Variants in SHANK1 observed in about 807,000 individuals in gnomAD.
The protein encoded by SHANK1 is SH3 and multiple ankyrin repeat domains 1, also known as SH3 and multiple ankyrin repeat domains protein 1.
A neutral mutation model predicts 165.6 loss-of-function variants in SHANK1; 35 were observed. The ratio of observed to expected loss-of-function variants is 0.21; its 90% CI spans 0.16 to 0.28. The LOEUF (loss-of-function observed/expected upper bound fraction) is 0.28, where lower values mean the gene tolerates loss of function less well. SHANK1 is among the 10% of genes least tolerant of loss of function. SHANK1 has a pLI of 1.00. For synonymous variants in SHANK1, 1,428 were observed against 1,384.8 expected (o/e 1.03, Z -0.69); for missense variants, 2,681 against 3,036.4 (o/e 0.88, Z 2.75).
chr19:50,677,814 C>A (rs1032773299), intron 21 of SHANK1, among the ~76,000 whole-genome samples: 1 of 152,186 alleles, frequency 6.6e-6, no homozygotes, highest in Non-Finnish European at 1.5e-5. Context: ...CCTGCTTTGA[C>A]GGATTTCCTG....
intron 15 of SHANK1, among the ~76,000 whole-genome samples, chr19:50,695,132 C>A (rs1986692359): frequency 6.8e-6 from 1 of 146,540 alleles, no homozygotes; most frequent in Non-Finnish European, 1.5e-5. Flanking sequence ...CTCGGCCGAA[C>A]CCCCGTGTCC....
In SHANK1 at chr19:50,669,011, G is replaced by A. The variant is rs1183200204; in HGVS notation, c.2949C>T (p.Arg983=). 5.9e-6 allele frequency: 5 copies of A among 840,372 alleles called. No individual in the cohort carries two copies. The South Asian group carries it at 9.0e-5, about 15-fold the overall frequency. 52.1% of individuals were successfully genotyped at this position (840,372 alleles called of 1,614,324 possible). ...GCCCACTGTGGTACAGGCTCTTCTC[G>A]CGGCTCCCCACGCGAGTGTCGGGAG... ...PSPPDTRVGS[R]EKSLYHSGPL... The change falls in exon 23 of 24, where the codon CGC becomes CGT. Residue 983 remains arginine, a synonymous_variant. Coordinates refer to ENST00000293441, the MANE Select transcript of SHANK1 (RefSeq NM_016148.5).
chr19:50,704,214 G>C, intron 9 of SHANK1, 28 bp from the exon 10 acceptor site: 1 of 1,609,034 alleles, frequency 6.2e-7, no homozygotes, highest in Non-Finnish European at 8.5e-7. Flanking sequence ...AGGCAGGTCG[G>C]CCAGGGGGGC....
rs72626241 is a variant in SHANK1 at position 50,690,830 on chromosome 19, A to G, written c.1965-1551T>C. Among the ~76,000 whole-genome samples the G allele has an allele frequency of 2.8e-4, 43 of 152,186 alleles. No individual in the cohort carries two copies. In the East Asian group the frequency reaches 7.5e-3, roughly 27 times the overall value. On this transcript the variant is annotated intron_variant, in intron 15 of 23. Transcript: ENST00000293441. This position sits in a 1 kb window ranked among gnomAD's most constrained non-coding sequence, Gnocchi z 4.9. Reference sequence around the variant, plus strand: ...CACATACATCCCAGCAAATGCCAATAATACTTACTGTGCTCCACTGTATTT... The same window carrying G: ...CACATACATCCCAGCAAATGCCAATGATACTTACTGTGCTCCACTGTATTT...
In SHANK1 at chr19:50,697,504, T is replaced by TA; in HGVS notation, c.1937+84dup. 1.9e-6 allele frequency: 2 copies of TA among 1,055,864 alleles called. No individual in the cohort carries two copies. The highest frequency in any genetic ancestry group is 3.0e-6 in the Non-Finnish European group (2 of 671,798). The allele number at this position is 1,055,864 out of a possible 1,614,324, so 65.4% of individuals were successfully genotyped here. A position where few individuals can be genotyped will look rare whatever the true frequency, so the allele number is the denominator to read the frequency against. On this transcript the variant is annotated intron_variant, in intron 14 of 23. Coordinates refer to ENST00000293441, the MANE Select transcript of SHANK1 (RefSeq NM_016148.5). The surrounding 1 kb of genome is among the most constrained non-coding windows in gnomAD (Gnocchi z 4.7). ...GAAGGAACAGATTAGAAAGGGGGCTTAGAGGTGATGGAAATATTTAAAGGT... is the reference window on the plus strand; with the variant it reads ...GAAGGAACAGATTAGAAAGGGGGCTTAAGAGGTGATGGAAATATTTAAAGGT...
chr19:50,686,837 G>T lies in SHANK1; in HGVS notation c.2390-25C>A, dbSNP rs375692059. 5 of 1,612,652 alleles carry T rather than the reference G, an allele frequency of 3.1e-6. No individual in the cohort carries two copies. Among genetic ancestry groups the T allele is most frequent in the Non-Finnish European group, 3.4e-6 (4 of 1,179,246 alleles). On this transcript the variant is annotated intron_variant, in intron 19 of 23. Transcript: ENST00000293441. This position sits in a 1 kb window ranked among gnomAD's most constrained non-coding sequence, Gnocchi z 5.7. Reference sequence around the variant, plus strand: ...TCTGTGGGCAAAGAACACGGATGACGCCCAGGGAGCCCCCGGGGGCGGGGC... The same window carrying T: ...TCTGTGGGCAAAGAACACGGATGACTCCCAGGGAGCCCCCGGGGGCGGGGC...
intron 21 of SHANK1, among the ~76,000 whole-genome samples, chr19:50,682,124 C>T (rs1030483152): frequency 9.9e-5 from 15 of 151,890 alleles, no homozygotes; most frequent in Admixed American, 5.2e-4. Flanking sequence ...GGCATGATCT[C>T]GGCTCACTGT....
In SHANK1 at chr19:50,668,374, AGCCGCCGCC is replaced by A. The variant is rs752183166; in HGVS notation, c.3577_3585del (p.Gly1193_Gly1195del). ...ATGGCCGGGGCGGGGCTGGGCGAGG[AGCCGCCGCC>A]GCCGCCGCCTCCCGTGGGCTCCGGC... On this transcript the variant is annotated inframe_deletion, in exon 23 of 24. Coordinates refer to ENST00000293441, the MANE Select transcript of SHANK1 (RefSeq NM_016148.5). 5.5e-6 allele frequency: 7 copies of A among 1,269,042 alleles called. No homozygotes were observed. Among genetic ancestry groups the A allele is most frequent in the Admixed American group, 3.7e-5 (1 of 26,718 alleles). 78.6% of individuals were successfully genotyped at this position (1,269,042 alleles called of 1,614,324 possible).
At chr19:50,706,762 T>TTTTA (rs1005863997) in intron 8 of SHANK1, among the ~76,000 whole-genome samples, 2 of 151,936 alleles carry the variant, frequency 1.3e-5, no homozygotes, top group African/African-American at 4.8e-5. Flanking sequence ...CTTGCTTTAT[T>TTTTA]TTTATTTATT....
At position 50,666,288 on chromosome 19, in the gene SHANK1, A is replaced by G. The variant is rs778008546; in HGVS notation, c.5672T>C (p.Leu1891Pro). ...CCCACTGCCTCCTCGGGCCCAGGGC[A>G]GAGCGCCGCCAGCTGCCGAGGAGCC... is the stretch of plus-strand genomic sequence containing the variant. ...FGGSSAAGGA[L>P]PWARGGSGGG... Residue 1891 changes from leucine (L) to proline (P), a missense_variant, in exon 23 of 24, where the codon CTG becomes CCG. Coordinates refer to ENST00000293441, the MANE Select transcript of SHANK1 (RefSeq NM_016148.5). 6.2e-7 allele frequency: 1 copy of G among 1,612,098 alleles called. No individual in the cohort carries two copies. The highest frequency in any genetic ancestry group is 8.5e-7 in the Non-Finnish European group (1 of 1,179,414).
At chr19:50,699,376 G>T (rs972550992) in intron 12 of SHANK1, among the ~76,000 whole-genome samples, 4 of 152,214 alleles carry the variant, frequency 2.6e-5, no homozygotes, top group Admixed American at 1.3e-4. Flanking sequence ...ACAAGTGACT[G>T]TATGATTGGA....
intron 7 of SHANK1, 136 bp from the exon 8 acceptor site, chr19:50,711,623 C>T: frequency 1.4e-6 from 1 of 702,216 alleles, no homozygotes; most frequent in Non-Finnish European, 2.4e-6. Flanking sequence ...CACCTTTTAG[C>T]CCCGCTTCCT....
In SHANK1 at chr19:50,688,095, C is replaced by T. The variant is rs779265352; in HGVS notation, c.2173-37G>A. On this transcript the variant is annotated intron_variant, in intron 17 of 23. Transcript: ENST00000293441. The surrounding 1 kb of genome is among the most constrained non-coding windows in gnomAD (Gnocchi z 6.7). Reference sequence around the variant, plus strand: ...ACACCCCCAGATCACACAGAGTAGACGAGGGGAGGGGTGCTTGCAGCTTCA... The same window carrying T: ...ACACCCCCAGATCACACAGAGTAGATGAGGGGAGGGGTGCTTGCAGCTTCA... 8.8e-5 allele frequency: 142 copies of T among 1,611,552 alleles called. No individual in the cohort carries two copies. The highest frequency in any genetic ancestry group is 1.0e-4 in the Non-Finnish European group (123 of 1,179,180).
In SHANK1 at chr19:50,690,780, G is replaced by A. The variant is rs1042738724; in HGVS notation, c.1965-1501C>T. The stretch of plus-strand genomic sequence containing the variant: ...AACTCCCCCTCACTCGGATCTCAGT[G>A]TATTCCCATAACACGCCCTCTGAAC... On this transcript the variant is annotated intron_variant, in intron 15 of 23. Coordinates refer to ENST00000293441, the MANE Select transcript of SHANK1 (RefSeq NM_016148.5). This position sits in a 1 kb window ranked among gnomAD's most constrained non-coding sequence, Gnocchi z 4.9. Among the ~76,000 whole-genome samples the A allele has an allele frequency of 1.3e-5, 2 of 152,012 alleles. No homozygotes were observed. Among genetic ancestry groups the A allele is most frequent in the Admixed American group, 6.6e-5 (1 of 15,254 alleles).
chr19:50,716,721 C>T lies in SHANK1; in HGVS notation c.199G>A (p.Asp67Asn), dbSNP rs372491377. Reference sequence around the variant, plus strand: ...AAGACCATCATGCTGAAGTGGGCGTCGTCTGGGACGGACATTGAGCGGCCC... The same window carrying T: ...AAGACCATCATGCTGAAGTGGGCGTTGTCTGGGACGGACATTGAGCGGCCC... ...LQGRSMSVPDDAHFSMMVFRI... is the reference protein window; with the variant it reads ...LQGRSMSVPDNAHFSMMVFRI... The change falls in exon 2 of 24, where the codon GAC becomes AAC. Residue 67 changes from aspartate to asparagine, a missense_variant. Coordinates refer to ENST00000293441, the MANE Select transcript of SHANK1 (RefSeq NM_016148.5). This position sits in a 1 kb window ranked among gnomAD's most constrained non-coding sequence, Gnocchi z 8.4. 1.4e-5 allele frequency: 23 copies of T among 1,604,542 alleles called. No homozygotes were observed. Among genetic ancestry groups the T allele is most frequent in the African/African-American group, 2.7e-5 (2 of 74,436 alleles).
At chr19:50,711,693 G>T (rs906440796) in intron 7 of SHANK1, among the ~76,000 whole-genome samples, 12 of 152,222 alleles carry the variant, frequency 7.9e-5, no homozygotes, top group African/African-American at 2.7e-4. Context: ...CAAGGCCCAG[G>T]CGTCTGGTCT....
chr19:50,704,170 C>A lies in SHANK1; in HGVS notation c.1172G>T (p.Gly391Val), dbSNP rs2088907701. 1 of 1,613,658 alleles carries A rather than the reference C, an allele frequency of 6.2e-7. No individual in the cohort carries two copies. The highest frequency in any genetic ancestry group is 8.5e-7 in the Non-Finnish European group (1 of 1,179,932). The change falls in exon 10 of 24, where the codon GGG (glycine) becomes GTG (valine). Residue 391 changes from glycine (G) to valine (V), a missense_variant. Gly to Val is a moderately radical substitution (Grantham distance 109). Coordinates refer to ENST00000293441, the MANE Select transcript of SHANK1 (RefSeq NM_016148.5). ...GATCAGCTCCCCCAGCTCAAAATTCCCAGCAATCACTGCCACCTGGAGGGA... is the reference window on the plus strand; with the variant it reads ...GATCAGCTCCCCCAGCTCAAAATTCACAGCAATCACTGCCACCTGGAGGGA... ...QTPFQVAVIA[G>V]NFELGELIRN...
intron 4 of SHANK1, among the ~76,000 whole-genome samples, chr19:50,714,764 T>C (rs545469230): frequency 1.3e-5 from 2 of 151,960 alleles, no homozygotes; most frequent in East Asian, 1.9e-4. Context: ...GTTAATGATA[T>C]ATGTTATTTA....
rs1009436854 is a variant in SHANK1 at position 50,686,947 on chromosome 19, T to A, written c.2390-135A>T. 4 of 1,308,012 alleles carry A rather than the reference T, an allele frequency of 3.1e-6. No individual in the cohort carries two copies. The highest frequency in any genetic ancestry group is 3.1e-5 in the African/African-American group (2 of 63,562). 81.0% of individuals were successfully genotyped at this position (1,308,012 alleles called of 1,614,324 possible). On this transcript the variant is annotated intron_variant, in intron 19 of 23. Coordinates refer to ENST00000293441, the MANE Select transcript of SHANK1 (RefSeq NM_016148.5). The surrounding 1 kb of genome is among the most constrained non-coding windows in gnomAD (Gnocchi z 5.7). ...CGAGAGGGGCAGTGAGGGGCCGGGG[T>A]CAGGGAGGGGCGAGTCCGCCGGCGG... is the stretch of plus-strand genomic sequence containing the variant.
Sources: allele counts gnomAD v4.1 joint callset (sites outside exome capture counted in the v4.1 genomes callset), GRCh38; gene constraint gnomAD v4.1.1; non-coding constraint Gnocchi (gnomAD v3.1); transcripts MANE v1.5; gene names NCBI Gene and HGNC (gene_info 2026-07-23, HGNC 2026-07-21).